HOMER3: variants seen among roughly 807,000 people sequenced by gnomAD.
HOMER3 encodes homer scaffold protein 3.
HOMER3 carries 34 observed loss-of-function variants against 45.5 expected under a neutral mutation model. That is an observed-to-expected ratio of 0.75 (90% CI 0.57 to 1.00). The LOEUF is 1.00. Ranked by LOEUF, HOMER3 falls within the 50% of genes least tolerant of loss-of-function variation. HOMER3 has a pLI of 0.00. For synonymous variants in HOMER3, 223 were observed against 208.8 expected, an observed-to-expected ratio of 1.07 and a Z score of -0.58; for missense variants, 480 against 497.5, an observed-to-expected ratio of 0.96 and a Z score of 0.33.
Position 18,932,948 on chromosome 19 carries a change from C to T in HOMER3, c.509G>A (p.Arg170Gln), listed in dbSNP as rs773582725. 1 of 1,433,284 alleles carries T rather than the reference C, an allele frequency of 7.0e-7. No homozygotes were observed. The highest frequency in any genetic ancestry group is 9.2e-7 in the Non-Finnish European group (1 of 1,090,012). The allele number at this position is 1,433,284 out of a possible 1,614,324, so 88.8% of individuals were successfully genotyped here. A position where few individuals can be genotyped will look rare whatever the true frequency, so the allele number is the denominator to read the frequency against. ...CCCCTCAGACAACATCTTCTTTAGC[C>T]GCTCGCGCTCTGTGGGGCCGGGGGC... ...ADAPGPTERE[R>Q]LKKMLSEGSV... is the part of the protein sequence containing the mutation. The change falls in exon 6 of 10, where the codon CGG (arginine) becomes CAG (glutamine). Residue 170 changes from arginine to glutamine, a missense_variant. Physicochemically the swap from Arg to Gln is conservative, Grantham distance 43 (BLOSUM62 1). Transcript: ENST00000392351.
intron 4 of HOMER3, among the ~76,000 whole-genome samples, chr19:18,935,349 G>C (rs2057080970): frequency 6.6e-6 from 1 of 151,912 alleles, no homozygotes; most frequent in Non-Finnish European, 1.5e-5. Flanking sequence ...TATTGGCCAT[G>C]CTGGTCTCGA....
chr19:18,932,027 C>T lies in HOMER3; in HGVS notation c.639G>A (p.Trp213Ter). 1 of 1,549,834 alleles carries T rather than the reference C, an allele frequency of 6.5e-7. No homozygotes were observed. Among genetic ancestry groups the T allele is most frequent in the Non-Finnish European group, 8.7e-7 (1 of 1,147,832 alleles). The change falls in exon 7 of 10, where the codon TGG (tryptophan) becomes TGA (stop). Residue 213 changes from tryptophan to a stop codon, truncating the protein, a stop_gained. Transcript: ENST00000392351. LOFTEE classifies it high-confidence loss of function. ...LREANAAAAQ[W>*]RQQLEAQRAE... ...CACGCTGAGCCTCCAGCTGCTGCCTCCACTGGGCTGCGGCGGCGTTGGCCT... is the reference window on the plus strand; with the variant it reads ...CACGCTGAGCCTCCAGCTGCTGCCTTCACTGGGCTGCGGCGGCGTTGGCCT...
intron 4 of HOMER3, among the ~76,000 whole-genome samples, chr19:18,937,482 C>T (rs1192824753): frequency 1.3e-5 from 2 of 150,196 alleles, no homozygotes; most frequent in Non-Finnish European, 3.0e-5. Context: ...TTCAAGACCA[C>T]CCTGGCCAAC....
At chr19:18,937,797 T>C (rs1031184648) in intron 4 of HOMER3, among the ~76,000 whole-genome samples, 1 of 152,040 alleles carries the variant, frequency 6.6e-6, no homozygotes, top group Non-Finnish European at 1.5e-5. Flanking sequence ...GATGAAGGTA[T>C]TGCTGGGGCA....
In HOMER3 at chr19:18,932,052, T is replaced by C. The variant is rs1212972075; in HGVS notation, c.614A>G (p.Glu205Gly). The change falls in exon 7 of 10, where the codon GAG becomes GGG. Residue 205 changes from glutamate to glycine, a missense_variant. Physicochemically the swap from Glu to Gly is moderately conservative, Grantham distance 98. Transcript: ENST00000392351. ...SNNKLAGALR[E>G]ANAAAAQWRQ... The stretch of plus-strand genomic sequence containing the variant: ...CCACTGGGCTGCGGCGGCGTTGGCC[T>C]CTCGCAGGGCGCCTGCCAGCTTGTT... 6.4e-7 allele frequency: 1 copy of C among 1,556,992 alleles called. No homozygotes were observed. The highest frequency in any genetic ancestry group is 1.9e-5 in the Admixed American group (1 of 51,950).
Position 18,929,640 on chromosome 19 carries a change from A to G in HOMER3, c.895-6T>C. The G allele has an allele frequency of 7.3e-7, 1 of 1,365,640 alleles. No homozygotes were observed. Among genetic ancestry groups the G allele is most frequent in the Non-Finnish European group, 9.9e-7 (1 of 1,014,108 alleles). The allele number at this position is 1,365,640 out of a possible 1,614,324, so 84.6% of individuals were successfully genotyped here. ...GCATTGCGGGTCTCCAGGTCCTGCC[A>G]GGAAAGGGTGGGCAGGGTTGGGGGC... On this transcript the variant is annotated splice_region_variant and splice_polypyrimidine_tract_variant and intron_variant, in intron 9 of 9. Transcript: ENST00000392351.
chr19:18,934,869 T>A (rs977053160), intron 4 of HOMER3, among the ~76,000 whole-genome samples: 3 of 115,696 alleles, frequency 2.6e-5, no homozygotes, highest in Admixed American at 1.1e-4. Context: ...TTCCTGTTTT[T>A]TGTTTTTTTT....
intron 9 of HOMER3, among the ~76,000 whole-genome samples, chr19:18,929,843 C>T (rs992245227): frequency 3.9e-5 from 6 of 152,076 alleles, no homozygotes; most frequent in African/African-American, 7.2e-5. Context: ...GAAGGAGTTT[C>T]GCTCTTGTCG....
At chr19:18,938,272 C>G in intron 4 of HOMER3, 81 bp downstream of exon 4, 1 of 1,482,928 alleles carries the variant, frequency 6.7e-7, no homozygotes. Context: ...GGGGACCTGC[C>G]CAAGATCCCA....
chr19:18,932,887 CCCCGCCCCTGCCACGCCCCCAAGT>C lies in HOMER3; in HGVS notation c.533+13_533+36del, dbSNP rs772066162. 6 of 865,842 alleles carry C rather than the reference CCCCGCCCCTGCCACGCCCCCAAGT, an allele frequency of 6.9e-6. No homozygotes were observed. The allele number at this position is 865,842 out of a possible 1,614,324, so 53.6% of individuals were successfully genotyped here. ...CCGCCTCCTCGTCCCCCACCCCTACCCCCGCCCCTGCCACGCCCCCAAGTCCCGCCCCTCACCCCTCAGACAACA... is the reference window on the plus strand; with the variant it reads ...CCGCCTCCTCGTCCCCCACCCCTACCCCCGCCCCTCACCCCTCAGACAACA... On this transcript the variant is annotated intron_variant, in intron 6 of 9. Transcript: ENST00000392351.
At chr19:18,938,544 C>A in intron 3 of HOMER3, 60 bp from the exon 4 acceptor site, 2 of 1,578,578 alleles carry the variant, frequency 1.3e-6, no homozygotes, top group Non-Finnish European at 1.7e-6. Context: ...CATGAAACCC[C>A]CCAGGTATTA....
chr19:18,930,800 G>C (rs757529025), intron 9 of HOMER3, among the ~76,000 whole-genome samples: 1 of 151,968 alleles, frequency 6.6e-6, no homozygotes, highest in Admixed American at 6.6e-5. Flanking sequence ...ATGAGATCAG[G>C]AGTTGAGACC....
intron 7 of HOMER3, 32 bp downstream of exon 7, chr19:18,931,944 T>TG (rs2057037414): frequency 6.7e-7 from 1 of 1,495,402 alleles, no homozygotes; most frequent in Non-Finnish European, 8.9e-7. Flanking sequence ...CCGGGCCAGG[T>TG]GGGGGTCTCT....
chr19:18,931,473 G>A, intron 8 of HOMER3, 36 bp downstream of exon 8: 1 of 1,612,166 alleles, frequency 6.2e-7, no homozygotes, highest in Non-Finnish European at 8.5e-7. Flanking sequence ...AGGAGGTGAG[G>A]GAAGGCGAGG....
At chr19:18,936,865 G>A (rs1445987201) in intron 4 of HOMER3, among the ~76,000 whole-genome samples, 2 of 151,840 alleles carry the variant, frequency 1.3e-5, no homozygotes, top group African/African-American at 2.4e-5. Flanking sequence ...GGTGGCAGGC[G>A]CCTGTAGTCC....
Position 18,938,647 on chromosome 19 carries a change from G to A in HOMER3, c.171+81C>T, listed in dbSNP as rs2057120202. On this transcript the variant is annotated intron_variant, in intron 3 of 9. Transcript: ENST00000392351. ...AGGCTTAGGGTTTCCTGTCCCTTGG[G>A]CACACAGCAAGCCAGCCACCAGACC... The A allele has an allele frequency of 2.0e-6, 3 of 1,520,382 alleles. No homozygotes were observed. In the Admixed American group the frequency reaches 5.8e-5, roughly 30 times the overall value. 94.2% of individuals were successfully genotyped at this position (1,520,382 alleles called of 1,614,324 possible).
In HOMER3 at chr19:18,938,839, G is replaced by A; in HGVS notation, c.60C>T (p.Asp20=). Residue 20 remains aspartate, a synonymous_variant, in exon 3 of 10, where the codon GAC becomes GAT. Transcript: ENST00000392351. The part of the protein sequence containing the change: ...FSTRAHVFQI[D]PATKRNWIPA... ...GGATCCAGTTTCGCTTGGTGGCTGGGTCAATTTGGAACACGTGCGCCCGTG... is the reference window on the plus strand; with the variant it reads ...GGATCCAGTTTCGCTTGGTGGCTGGATCAATTTGGAACACGTGCGCCCGTG... The A allele has an allele frequency of 6.2e-7, 1 of 1,601,942 alleles. No homozygotes were observed. Among genetic ancestry groups the A allele is most frequent in the South Asian group, 1.1e-5 (1 of 88,846 alleles).
At chr19:18,938,925 C>G in intron 2 of HOMER3, 41 bp from the exon 3 acceptor site, 1 of 1,608,234 alleles carries the variant, frequency 6.2e-7, no homozygotes, top group African/African-American at 1.3e-5. Context: ...CAGGCACCCC[C>G]ACTTAGAAAG....
At chr19:18,940,956 G>C (rs2057149830) in intron 1 of HOMER3, 95 bp downstream of exon 1, 1 of 152,050 alleles carries the variant, frequency 6.6e-6, no homozygotes, top group Non-Finnish European at 1.5e-5. Flanking sequence ...CCAGTCCCGG[G>C]TCCGAAACTT....
Sources: allele counts gnomAD v4.1 joint callset (sites outside exome capture counted in the v4.1 genomes callset), GRCh38; gene constraint gnomAD v4.1.1; transcripts MANE v1.5; gene names NCBI Gene and HGNC (gene_info 2026-07-23, HGNC 2026-07-21).